The following FAM234A variants were observed in gnomAD, a reference collection of about 807,000 sequenced individuals.
The protein encoded by FAM234A is protein FAM234A.
Under a neutral mutation model 49.1 loss-of-function variants are expected in FAM234A, and 42 were observed. That is an observed-to-expected ratio of 0.86 (90% CI 0.67 to 1.11). FAM234A has a LOEUF of 1.11. Among genes scored for constraint, FAM234A ranks in the 50% least tolerant of loss-of-function variants. FAM234A has a pLI of 0.00. For missense variants in FAM234A, 815 were observed against 745.2 expected (o/e 1.09, Z -1.09); for synonymous variants, 369 against 316.2 (o/e 1.17, Z -1.77).
chr16:244,236 G>A (rs990764774), intron 1 of FAM234A, among the ~76,000 whole-genome samples: 2 of 152,186 alleles, frequency 1.3e-5, no homozygotes, highest in Non-Finnish European at 2.9e-5. Context: ...CCAAAGTGCT[G>A]GGATTACAGG....
In FAM234A at chr16:263,847, G is replaced by T; in HGVS notation, c.1188+72G>T. The T allele has an allele frequency of 2.8e-6, 4 of 1,451,650 alleles. No homozygotes were observed. The South Asian group carries it at 3.4e-5, about 12-fold the overall frequency. 89.9% of individuals were successfully genotyped at this position (1,451,650 alleles called of 1,614,324 possible). On this transcript the variant is annotated intron_variant, in intron 10 of 12. Transcript: ENST00000399932. ...GATAGACTGGTCTGAAAGCAGACGGGGCTGCGGCCCAGGAGGCTGCTGCCG... is the reference window on the plus strand; with the variant it reads ...GATAGACTGGTCTGAAAGCAGACGGTGCTGCGGCCCAGGAGGCTGCTGCCG...
chr16:264,859 G>T lies in FAM234A; in HGVS notation c.1496G>T (p.Gly499Val), dbSNP rs1335927954. 1.9e-6 allele frequency: 3 copies of T among 1,612,086 alleles called. No individual in the cohort carries two copies. The highest frequency in any genetic ancestry group is 2.5e-6 in the Non-Finnish European group (3 of 1,179,930). ...CACGCCGCCTACATCCTTCTGACAG[G>T]CCCGGCAGACTCAGAGGCACCCGGC... Reference protein sequence around the residue: ...SRHAAYILLTGPADSEAPGLV... With the variant: ...SRHAAYILLTVPADSEAPGLV... Residue 499 changes from glycine to valine, a missense_variant, in exon 13 of 13, where the codon GGC becomes GTC. Coordinates refer to ENST00000399932, the MANE Select transcript of FAM234A (RefSeq NM_032039.4).
intron 5 of FAM234A, chr16:260,764 G>A (rs770677003): frequency 4.9e-6 from 2 of 406,026 alleles, no homozygotes; most frequent in South Asian, 3.6e-5. Flanking sequence ...GGATATGGAG[G>A]AGAATAAAGA....
Position 261,375 on chromosome 16 carries a change from T to C in FAM234A, c.578-9T>C, listed in dbSNP as rs1339056183. ...GGGCCACGTTCCGTGACCGTGTGCT[T>C]GATTCTAGGGGAAACCCTGTGGAAC... On this transcript the variant is annotated splice_polypyrimidine_tract_variant and intron_variant, in intron 5 of 12. Coordinates refer to ENST00000399932, the MANE Select transcript of FAM234A (RefSeq NM_032039.4). 19 of 1,604,490 alleles carry C rather than the reference T, an allele frequency of 1.2e-5. No individual in the cohort carries two copies. Among genetic ancestry groups the C allele is most frequent in the Non-Finnish European group, 1.6e-5 (19 of 1,172,344 alleles).
intron 2 of FAM234A, among the ~76,000 whole-genome samples, chr16:250,719 G>A (rs963909838): frequency 3.9e-5 from 6 of 151,934 alleles, no homozygotes; most frequent in Non-Finnish European, 8.8e-5. Context: ...AGTCATTCCC[G>A]ACTCTCCCTG....
At chr16:245,303 C>T (rs899257546) in intron 1 of FAM234A, among the ~76,000 whole-genome samples, 2 of 152,178 alleles carry the variant, frequency 1.3e-5, no homozygotes, top group Non-Finnish European at 2.9e-5. Flanking sequence ...GCCTAGATCA[C>T]CACTGCCCTC....
chr16:269,287 AC>A, downstream of FAM234A: 1 of 1,574,276 alleles, frequency 6.4e-7, no homozygotes, highest in Non-Finnish European at 8.6e-7. Context: ...CCCCATCTCC[AC>A]CCCCAGGGCC....
intron 4 of FAM234A, 44 bp from the exon 5 acceptor site, chr16:259,925 G>T (rs1231376392): frequency 1.9e-6 from 3 of 1,572,800 alleles, no homozygotes; most frequent in Non-Finnish European, 2.6e-6. Flanking sequence ...CGGCCTGCCT[G>T]CCCAGATGGT....
chr16:245,549 A>C (rs1031976120), intron 1 of FAM234A, among the ~76,000 whole-genome samples: 1 of 151,854 alleles, frequency 6.6e-6, no homozygotes, highest in African/African-American at 2.4e-5. Context: ...AAGAATATTT[A>C]TCCTGGTTTG....
intron 1 of FAM234A, among the ~76,000 whole-genome samples, chr16:238,099 A>G (rs1596729523): frequency 6.6e-6 from 1 of 151,300 alleles, no homozygotes; most frequent in East Asian, 2.0e-4. Context: ...GCCCACTGCA[A>G]CCCCCGCCTC....
At chr16:260,392 C>G in intron 5 of FAM234A, 2 of 582,652 alleles carry the variant, frequency 3.4e-6, no homozygotes, top group South Asian at 3.8e-5. Flanking sequence ...TTACACCTTG[C>G]TGGTGGGCTG....
At chr16:252,100 G>C (rs1229891601) in intron 2 of FAM234A, among the ~76,000 whole-genome samples, 1 of 151,134 alleles carries the variant, frequency 6.6e-6, no homozygotes, top group Non-Finnish European at 1.5e-5. Flanking sequence ...AATCCTCAAG[G>C]GATCCTCCTG....
At chr16:269,064 A>C, downstream of FAM234A, 1 of 1,020,202 alleles carries the variant, frequency 9.8e-7, no homozygotes, top group Middle Eastern at 2.3e-4. Flanking sequence ...GGGAATCCAC[A>C]CCTGGACCCA....
At chr16:258,227 C>T (rs1259499397) in intron 3 of FAM234A, among the ~76,000 whole-genome samples, 1 of 150,672 alleles carries the variant, frequency 6.6e-6, no homozygotes, top group Admixed American at 6.7e-5. Context: ...GGTCATACGA[C>T]AATAGTGGAC....
intron 1 of FAM234A, among the ~76,000 whole-genome samples, chr16:248,768 C>T (rs1274918118): frequency 1.3e-5 from 2 of 151,558 alleles, no homozygotes; most frequent in East Asian, 1.9e-4. Flanking sequence ...CTATAGGTGC[C>T]CACCACCACA....
intron 1 of FAM234A, among the ~76,000 whole-genome samples, chr16:238,846 A>T (rs2142203239): frequency 7.1e-6 from 1 of 140,952 alleles, no homozygotes; most frequent in East Asian, 2.2e-4. Flanking sequence ...ACACTTTGGG[A>T]GGCTGAGGTG....
intron 1 of FAM234A, chr16:240,333 C>A (rs577466394): frequency 6.6e-6 from 1 of 152,294 alleles, no homozygotes; most frequent in South Asian, 2.1e-4. Context: ...TCAGGGGACA[C>A]AGCAGACATC....
intron 1 of FAM234A, among the ~76,000 whole-genome samples, chr16:237,891 A>G (rs1443906396): frequency 6.6e-6 from 1 of 151,694 alleles, no homozygotes; most frequent in African/African-American, 2.4e-5. Context: ...TTTAGTAAAG[A>G]CGGGGTTTCA....
At chr16:263,938 G>A in intron 10 of FAM234A, 78 bp from the exon 11 acceptor site, 1 of 1,504,814 alleles carries the variant, frequency 6.6e-7, no homozygotes, top group Admixed American at 1.7e-5. Flanking sequence ...ATGGCTGAGG[G>A]CACGTGTGCC....
Sources: allele counts gnomAD v4.1 joint callset (sites outside exome capture counted in the v4.1 genomes callset), GRCh38; gene constraint gnomAD v4.1.1; transcripts MANE v1.5; gene names NCBI Gene and HGNC (gene_info 2026-07-23, HGNC 2026-07-21).